Variants in SV2B observed in about 807,000 individuals in gnomAD.
SV2B encodes synaptic vesicle glycoprotein 2B, also known as solute carrier family 22 member B2.
In SV2B, 41 loss-of-function variants were observed where a neutral mutation model predicts 73.9. The observed-to-expected ratio is 0.56, with a 90% CI of 0.43 to 0.72. The LOEUF is 0.72. SV2B is among the 30% of genes least tolerant of loss of function. SV2B has a pLI of 0.00. For synonymous variants in SV2B, 314 were observed against 314.2 expected, an observed-to-expected ratio of 1.00 and a Z score of 0.01; for missense variants, 764 against 857.8, an observed-to-expected ratio of 0.89 and a Z score of 1.37.
chr15:91,250,484 C>T (rs1211797792), intron 2 of SV2B, among the ~76,000 whole-genome samples: 1 of 151,846 alleles, frequency 6.6e-6, no homozygotes, highest in Non-Finnish European at 1.5e-5. Flanking sequence ...AGCAATTAGG[C>T]AAGAAAAAGA....
At chr15:91,218,777 G>A (rs1443212467) in intron 1 of SV2B, among the ~76,000 whole-genome samples, 1 of 152,086 alleles carries the variant, frequency 6.6e-6, no homozygotes, top group Non-Finnish European at 1.5e-5. Flanking sequence ...AAAACTGACT[G>A]CAAGTGAAGT....
chr15:91,157,493 C>G (rs762153525), intron 1 of SV2B, among the ~76,000 whole-genome samples: 3 of 152,176 alleles, frequency 2.0e-5, no homozygotes, highest in Non-Finnish European at 4.4e-5. Context: ...TAAAACATAG[C>G]CTTCTTTGTG....
In SV2B at chr15:91,203,744, C is replaced by T. The variant is rs532349579; in HGVS notation, c.-391-22129C>T. Among the ~76,000 whole-genome samples the T allele has an allele frequency of 6.6e-5, 10 of 152,242 alleles. 1 individual carries two copies. Among genetic ancestry groups the T allele is most frequent in the Admixed American group, 2.6e-4 (4 of 15,286 alleles). Reference sequence around the variant, plus strand: ...CCAGTGTGAGGTCTGTCCTAACAAACGGGGGACTTTTGTCAAGTTCCTGCG... The same window carrying T: ...CCAGTGTGAGGTCTGTCCTAACAAATGGGGGACTTTTGTCAAGTTCCTGCG... On this transcript the variant is annotated intron_variant, in intron 1 of 12. Transcript: ENST00000394232.
At chr15:91,195,572 A>G (rs898238855) in intron 1 of SV2B, among the ~76,000 whole-genome samples, 4 of 152,228 alleles carry the variant, frequency 2.6e-5, no homozygotes, top group African/African-American at 4.8e-5. Flanking sequence ...ACACATTGTG[A>G]AATTGCTTTG....
rs531650211 is a variant in SV2B, at chr15:91,186,136, A to G, written c.-391-39737A>G. On this transcript the variant is annotated intron_variant, in intron 1 of 12. Coordinates refer to ENST00000394232, the MANE Select transcript of SV2B (RefSeq NM_001323032.3). ...ATTACCTACTTACTTTCTCCTAACA[A>G]AAAAAGGCCTGGCCTATCTGGATAT... Among the ~76,000 whole-genome samples the G allele has an allele frequency of 3.0e-3, 451 of 152,300 alleles. 5 individuals carry two copies. The highest frequency in any genetic ancestry group is 4.7e-3 in the Admixed American group (72 of 15,298).
At position 91,137,386 on chromosome 15, in the gene SV2B, A is replaced by G. The variant is rs981338690; in HGVS notation, c.-392+37023A>G. On this transcript the variant is annotated intron_variant, in intron 1 of 12. Coordinates refer to ENST00000394232, the MANE Select transcript of SV2B (RefSeq NM_001323032.3). The surrounding 1 kb of genome is among the most constrained non-coding windows in gnomAD (Gnocchi z 4.9). The stretch of plus-strand genomic sequence containing the variant: ...GCTTCAAAGCGTTTACCACAAAGCT[A>G]TTATTTATTTTTAACTTATAATTAT... Among the ~76,000 whole-genome samples the G allele has an allele frequency of 3.9e-5, 6 of 151,974 alleles. No homozygotes were observed. Among genetic ancestry groups the G allele is most frequent in the Admixed American group, 3.3e-4 (5 of 15,256 alleles).
At chr15:91,210,073 C>G (rs1327566028) in intron 1 of SV2B, among the ~76,000 whole-genome samples, 4 of 151,766 alleles carry the variant, frequency 2.6e-5, no homozygotes, top group African/African-American at 9.7e-5. Flanking sequence ...CAGGAGAGAA[C>G]CACAGGGCCA....
Position 91,187,452 on chromosome 15 carries a change from C to G in SV2B, c.-391-38421C>G, listed in dbSNP as rs566384511. ...GAAAGTAGCAGGTAAAGGTCACTGT[C>G]CAATGTGCTGAAAGCTGCTCCTGCT... On this transcript the variant is annotated intron_variant, in intron 1 of 12. Coordinates refer to ENST00000394232, the MANE Select transcript of SV2B (RefSeq NM_001323032.3). 9.8e-5 allele frequency among the ~76,000 whole-genome samples: 15 copies of G among 152,308 alleles called. No homozygotes were observed. The East Asian group carries it at 2.9e-3, about 29-fold the overall frequency.
intron 1 of SV2B, among the ~76,000 whole-genome samples, chr15:91,165,088 A>C (rs953971373): frequency 6.6e-6 from 1 of 152,120 alleles, no homozygotes; most frequent in East Asian, 1.9e-4. Context: ...TGTAATCCCA[A>C]CACTTTGGGA....
rs1179097708 is a variant in SV2B at position 91,240,911 on chromosome 15, C to A, written c.452-10908C>A. On this transcript the variant is annotated intron_variant, in intron 2 of 12. Coordinates refer to ENST00000394232, the MANE Select transcript of SV2B (RefSeq NM_001323032.3). This position sits in a 1 kb window ranked among gnomAD's most constrained non-coding sequence, Gnocchi z 4.6. ...TGTACCATTGCTCTTTCTTGCTCCCCCTGGACATTTCCAGGCCATTCTCCC... is the reference window on the plus strand; with the variant it reads ...TGTACCATTGCTCTTTCTTGCTCCCACTGGACATTTCCAGGCCATTCTCCC... Among the ~76,000 whole-genome samples the A allele has an allele frequency of 6.6e-6, 1 of 152,284 alleles. No individual in the cohort carries two copies. Among genetic ancestry groups the A allele is most frequent in the South Asian group, 2.1e-4 (1 of 4,828 alleles).
chr15:91,124,660 A>T lies in SV2B; in HGVS notation c.-392+24297A>T, dbSNP rs2520603. Among the ~76,000 whole-genome samples, 19,823 of 147,624 alleles carry T rather than the reference A, an allele frequency of 0.13. 1,791 individuals are homozygous for T. The highest frequency in any genetic ancestry group is 0.25 in the African/African-American group (10,341 of 40,556). ...CAGAAATTTCTTTCTTTCAACAAAA[A>T]TTTTTTTTTTTTTGAGACAGTCTCA... On this transcript the variant is annotated intron_variant, in intron 1 of 12. Coordinates refer to ENST00000394232, the MANE Select transcript of SV2B (RefSeq NM_001323032.3). The surrounding 1 kb of genome is among the most constrained non-coding windows in gnomAD (Gnocchi z 4.6).
chr15:91,282,452 T>C, intron 10 of SV2B, among the ~76,000 whole-genome samples: 1 of 152,216 alleles, frequency 6.6e-6, no homozygotes, highest in East Asian at 1.9e-4. Flanking sequence ...CATAAATTAA[T>C]AACATACCAA....
intron 1 of SV2B, among the ~76,000 whole-genome samples, chr15:91,205,131 T>G (rs570617895): frequency 6.6e-6 from 1 of 152,354 alleles, no homozygotes; most frequent in East Asian, 1.9e-4. Context: ...TTGTCTCATT[T>G]TCTTCTAGAA....
chr15:91,172,390 C>T (rs1160961617), intron 1 of SV2B, among the ~76,000 whole-genome samples: 5 of 152,326 alleles, frequency 3.3e-5, no homozygotes, highest in African/African-American at 7.2e-5. Flanking sequence ...GTGCTAGGCA[C>T]GGGGCCTACT....
chr15:91,189,026 A>G (rs1344366930), intron 1 of SV2B, among the ~76,000 whole-genome samples: 7 of 151,948 alleles, frequency 4.6e-5, no homozygotes, highest in Admixed American at 3.9e-4. Flanking sequence ...AGGTTTTGCC[A>G]TGTTGGTCAG....
rs1416583077 is a variant in SV2B at position 91,297,355 on chromosome 15, T to G, written c.*4803T>G. 1 of 152,242 alleles carries G rather than the reference T, an allele frequency of 6.6e-6. No individual in the cohort carries two copies. The highest frequency in any genetic ancestry group is 6.5e-5 in the Admixed American group (1 of 15,280). 9.4% of individuals were successfully genotyped at this position (152,242 alleles called of 1,614,324 possible). On this transcript the variant is annotated 3_prime_UTR_variant, in exon 13 of 13. Transcript: ENST00000394232. The surrounding 1 kb of genome is among the most constrained non-coding windows in gnomAD (Gnocchi z 5.1). ...GAAATGCGGTATTTACTGGGAACAT[T>G]GCTGCCCCTCCTCCAAATTGAGGGT...
chr15:91,300,521 G>C lies in SV2B; in HGVS notation c.*7969G>C, dbSNP rs566490720. 5 of 152,170 alleles carry C rather than the reference G, an allele frequency of 3.3e-5. No homozygotes were observed. Among genetic ancestry groups the C allele is most frequent in the African/African-American group, 9.6e-5 (4 of 41,504 alleles). 9.4% of individuals were successfully genotyped at this position (152,170 alleles called of 1,614,324 possible). A position where few individuals can be genotyped will look rare whatever the true frequency, so the allele number is the denominator to read the frequency against. On this transcript the variant is annotated 3_prime_UTR_variant, in exon 13 of 13. Transcript: ENST00000394232. Reference sequence around the variant, plus strand: ...CTTGGAAAGTTCAAATTAATCTTTGGGCTCCAAAGAGCAATTCTGAAGGAT... The same window carrying C: ...CTTGGAAAGTTCAAATTAATCTTTGCGCTCCAAAGAGCAATTCTGAAGGAT...
chr15:91,269,189 C>T (rs943021340), intron 9 of SV2B, among the ~76,000 whole-genome samples: 1 of 152,102 alleles, frequency 6.6e-6, no homozygotes, highest in African/African-American at 2.4e-5. Flanking sequence ...TTTTACTCCT[C>T]CTCCTCCTGG....
At position 91,258,505 on chromosome 15, in the gene SV2B, C is replaced by T. The variant is rs2047784159; in HGVS notation, c.869C>T (p.Ser290Phe). ...GTCTGTGCTCTGCCCTGCACCGTGT[C>T]CATGGTGGCCCTGAAGTTCATGCCA... is the stretch of plus-strand genomic sequence containing the variant. ...VIVCALPCTV[S>F]MVALKFMPES... Residue 290 changes from serine (S) to phenylalanine (F), a missense_variant, in exon 5 of 13, where the codon TCC becomes TTC. By Grantham distance (155) the Ser-to-Phe change is radical. Transcript: ENST00000394232. The surrounding 1 kb of genome is among the most constrained non-coding windows in gnomAD (Gnocchi z 4.7). The T allele has an allele frequency of 1.2e-6, 2 of 1,613,984 alleles. No homozygotes were observed. The highest frequency in any genetic ancestry group is 2.7e-5 in the African/African-American group (2 of 74,912).
Sources: gnomAD v4.1 joint callset for allele counts (sites outside exome capture counted in the v4.1 genomes callset) on GRCh38, gnomAD v4.1.1 for gene constraint, Gnocchi (gnomAD v3.1) non-coding constraint, MANE v1.5 for transcripts, NCBI Gene and HGNC (gene_info 2026-07-23, HGNC 2026-07-21) for gene names.